Variants in RNF40 observed in about 807,000 individuals in gnomAD.
RNF40 encodes E3 ubiquitin-protein ligase BRE1B.
RNF40 carries 39 observed loss-of-function variants against 123.3 expected under a neutral mutation model. That is an observed-to-expected ratio of 0.32 (90% confidence interval 0.24 to 0.41). The LOEUF (loss-of-function observed/expected upper bound fraction) is 0.41. Ranked by LOEUF, RNF40 falls within the 10% of genes least tolerant of loss-of-function variation. The pLI, the probability that RNF40 is intolerant of heterozygous loss-of-function variation, is 1.00. For missense variants in RNF40, 1,003 were observed against 1,319.9 expected (o/e 0.76, Z 3.72); for synonymous variants, 538 against 526.0 (o/e 1.02, Z -0.31).
chr16:30,763,301 T>C lies in RNF40; in HGVS notation c.300+16T>C, dbSNP rs2053930206. ...CTGGGCCCAGGTGGATACCTTCTGC[T>C]TTCAAAGACCAGGCCTTGATTCAGC... On this transcript the variant is annotated intron_variant, in intron 3 of 19. Coordinates refer to ENST00000324685, the MANE Select transcript of RNF40 (RefSeq NM_014771.4). The C allele has an allele frequency of 6.2e-7, 1 of 1,613,456 alleles. No homozygotes were observed. The highest frequency in any genetic ancestry group is 8.5e-7 in the Non-Finnish European group (1 of 1,179,396).
Position 30,774,337 on chromosome 16 carries a change from AC to A in RNF40, c.*224del. 1 of 527,488 alleles carries A rather than the reference AC, an allele frequency of 1.9e-6. No individual in the cohort carries two copies. The highest frequency in any genetic ancestry group is 3.0e-5 in the South Asian group (1 of 33,834). The allele number at this position is 527,488 out of a possible 1,614,324, so 32.7% of individuals were successfully genotyped here. A position where few individuals can be genotyped will look rare whatever the true frequency, so the allele number is the denominator to read the frequency against. On this transcript the variant is annotated 3_prime_UTR_variant, in exon 20 of 20. Transcript: ENST00000324685. ...AGGTCAGAGCTGCAGCCTAGGGGGC[AC>A]TGCCCTACAGAAAAGGTCTGCCTGA...
Position 30,768,935 on chromosome 16 carries a change from A to C in RNF40, c.2195A>C (p.Gln732Pro), listed in dbSNP as rs2054095285. ...ADEDALRRIR[Q>P]AEEQIEHLQR... Reference sequence around the variant, plus strand: ...GAGGATGCCCTGCGGCGCATTCGGCAGGCAGAGGAGCAGATAGAACACCTG... The same window carrying C: ...GAGGATGCCCTGCGGCGCATTCGGCCGGCAGAGGAGCAGATAGAACACCTG... Residue 732 changes from glutamine to proline, a missense_variant, in exon 15 of 20, where the codon CAG (glutamine) becomes CCG (proline). Physicochemically the swap from Gln to Pro is moderately conservative, Grantham distance 76. Coordinates refer to ENST00000324685, the MANE Select transcript of RNF40 (RefSeq NM_014771.4). This position sits in a 1 kb window ranked among gnomAD's most constrained non-coding sequence, Gnocchi z 4.1. 1 of 1,614,168 alleles carries C rather than the reference A, an allele frequency of 6.2e-7. No individual in the cohort carries two copies. The highest frequency in any genetic ancestry group is 8.5e-7 in the Non-Finnish European group (1 of 1,180,040).
chr16:30,771,325 ACCAGACAGCAGG>A (rs1013167458), intron 17 of RNF40, among the ~76,000 whole-genome samples: 17 of 151,884 alleles, frequency 1.1e-4, no homozygotes, highest in African/African-American at 2.2e-4. Flanking sequence ...AAGCTCAAAA[ACCAGACAGCAGG>A]CCAGGCGTGG....
chr16:30,764,691 C>T (rs907817956), intron 5 of RNF40, among the ~76,000 whole-genome samples: 4 of 152,130 alleles, frequency 2.6e-5, no homozygotes, highest in Admixed American at 1.3e-4. Context: ...AGGGCTCAGG[C>T]CTTGTAGGTT....
chr16:30,762,301 T>G, upstream of RNF40: 1 of 484,824 alleles, frequency 2.1e-6, no homozygotes, highest in East Asian at 3.7e-5. Context: ...TGGCGTCCAG[T>G]GACGCCCAGT....
At position 30,766,709 on chromosome 16, in the gene RNF40, G is replaced by A. The variant is rs961066195; in HGVS notation, c.1294-32G>A. 7.4e-6 allele frequency: 12 copies of A among 1,613,070 alleles called. No homozygotes were observed. Among genetic ancestry groups the A allele is most frequent in the Non-Finnish European group, 9.3e-6 (11 of 1,179,612 alleles). ...CTGAGTCCTGAGGTGGGACCGAGGGGCTGTGTGGGTCCTTAACACATCAAC... is the reference window on the plus strand; with the variant it reads ...CTGAGTCCTGAGGTGGGACCGAGGGACTGTGTGGGTCCTTAACACATCAAC... On this transcript the variant is annotated intron_variant, in intron 10 of 19. Coordinates refer to ENST00000324685, the MANE Select transcript of RNF40 (RefSeq NM_014771.4). This position sits in a 1 kb window ranked among gnomAD's most constrained non-coding sequence, Gnocchi z 5.4.
intron 3 of RNF40, 58 bp downstream of exon 3, chr16:30,763,343 C>G: frequency 1.2e-6 from 2 of 1,608,904 alleles, no homozygotes; most frequent in Non-Finnish European, 1.7e-6. Flanking sequence ...TCCCCAGATT[C>G]CCCTGCTAGG....
Position 30,775,281 on chromosome 16 carries a change from G to C in RNF40, c.*1167G>C, listed in dbSNP as rs940638352. 1 of 321,462 alleles carries C rather than the reference G, an allele frequency of 3.1e-6. No individual in the cohort carries two copies. Among genetic ancestry groups the C allele is most frequent in the African/African-American group, 2.2e-5 (1 of 45,710 alleles). 19.9% of individuals were successfully genotyped at this position (321,462 alleles called of 1,614,324 possible). ...ACTTTGCTGGCTTGGTGTGAGCCTG[G>C]GAGGGCTCAGACTTAACGGCCGGCA... On this transcript the variant is annotated 3_prime_UTR_variant, in exon 20 of 20. Transcript: ENST00000324685.
rs1374779028 is a variant in RNF40 at position 30,775,429 on chromosome 16, C to T, written c.*1315C>T. On this transcript the variant is annotated 3_prime_UTR_variant, in exon 20 of 20. Coordinates refer to ENST00000324685, the MANE Select transcript of RNF40 (RefSeq NM_014771.4). ...TCATGGCCGGGGGATGCCGGGACTC[C>T]TCGGGCTGCATCCTGGGAAGTGTAG... The T allele has an allele frequency of 5.2e-6, 1 of 192,010 alleles. No homozygotes were observed. Among genetic ancestry groups the T allele is most frequent in the Non-Finnish European group, 1.1e-5 (1 of 91,880 alleles). 11.9% of individuals were successfully genotyped at this position (192,010 alleles called of 1,614,324 possible).
intron 17 of RNF40, among the ~76,000 whole-genome samples, chr16:30,771,549 G>C (rs1286643312): frequency 1.3e-5 from 2 of 152,092 alleles, no homozygotes; most frequent in African/African-American, 4.8e-5. Context: ...CCCAGGAGTC[G>C]GAGGTTGCAG....
At chr16:30,772,266 C>G (rs770961043) in intron 19 of RNF40, 76 bp downstream of exon 19, 16 of 1,193,126 alleles carry the variant, frequency 1.3e-5, no homozygotes, top group Non-Finnish European at 2.0e-5. Flanking sequence ...AGTGGAGAGT[C>G]TGGGGACCCT....
In RNF40 at chr16:30,768,997, A is replaced by G. The variant is rs1173937497; in HGVS notation, c.2247+10A>G. 6.8e-6 allele frequency: 11 copies of G among 1,613,694 alleles called. No individual in the cohort carries two copies. Among genetic ancestry groups the G allele is most frequent in the African/African-American group, 2.7e-5 (2 of 74,940 alleles). ...GGGTGCCACCAAGCAGGTGCGGCCCATGTGGTGCCCTCGCGTCGGAGCGCA... is the reference window on the plus strand; with the variant it reads ...GGGTGCCACCAAGCAGGTGCGGCCCGTGTGGTGCCCTCGCGTCGGAGCGCA... On this transcript the variant is annotated intron_variant, in intron 15 of 19. Transcript: ENST00000324685. The surrounding 1 kb of genome is among the most constrained non-coding windows in gnomAD (Gnocchi z 4.1).
intron 5 of RNF40, 102 bp from the exon 6 acceptor site, chr16:30,764,836 A>G (rs2053998273): frequency 6.8e-7 from 1 of 1,478,170 alleles, no homozygotes; most frequent in Admixed American, 2.2e-5. Context: ...AATGGGCAAG[A>G]CAGCTGGTGG....
intron 19 of RNF40, among the ~76,000 whole-genome samples, chr16:30,772,828 G>A (rs573780567): frequency 1.3e-5 from 2 of 152,354 alleles, no homozygotes; most frequent in African/African-American, 2.4e-5. Context: ...TGGGCTGGAA[G>A]AGGTAGACTG....
At position 30,775,878 on chromosome 16, in the gene RNF40, G is replaced by C. The variant is rs910568109; in HGVS notation, c.*1764G>C. ...GGGGCCGCCGCTGCTGGACCAGGAC[G>C]AACTGGAGAAGGAGACGCGGGCCGC... is the stretch of plus-strand genomic sequence containing the variant. On this transcript the variant is annotated 3_prime_UTR_variant, in exon 20 of 20. Coordinates refer to ENST00000324685, the MANE Select transcript of RNF40 (RefSeq NM_014771.4). The C allele has an allele frequency of 1.3e-5, 2 of 152,266 alleles. No homozygotes were observed. The highest frequency in any genetic ancestry group is 1.9e-4 in the East Asian group (1 of 5,196). 9.4% of individuals were successfully genotyped at this position (152,266 alleles called of 1,614,324 possible).
Position 30,768,868 on chromosome 16 carries a change from T to C in RNF40, c.2128T>C (p.Leu710=), listed in dbSNP as rs2054093519. 1.2e-6 allele frequency: 2 copies of C among 1,613,996 alleles called. No homozygotes were observed. The highest frequency in any genetic ancestry group is 1.7e-5 in the Admixed American group (1 of 60,006). ...TGAGCTGCGGAGCCGCATCCGGGAA[T>C]TGGAGGAGAGGGATCGAAGGGAGAG... ...VDELRSRIRE[L]EERDRRESKK... The change falls in exon 15 of 20, where the codon TTG becomes CTG. Residue 710 remains leucine, a synonymous_variant. Transcript: ENST00000324685. This position sits in a 1 kb window ranked among gnomAD's most constrained non-coding sequence, Gnocchi z 4.1.
At position 30,765,069 on chromosome 16, in the gene RNF40, C is replaced by T. The variant is rs371631697; in HGVS notation, c.771+10C>T. 29 of 1,613,448 alleles carry T rather than the reference C, an allele frequency of 1.8e-5. No homozygotes were observed. Among genetic ancestry groups the T allele is most frequent in the Admixed American group, 5.0e-5 (3 of 59,962 alleles). The stretch of plus-strand genomic sequence containing the variant: ...CCGCATCTCATTGGAGGTGAGGAGC[C>T]GGGGGCTTTGGGGGTGTGATTAGAA... On this transcript the variant is annotated intron_variant, in intron 6 of 19. Coordinates refer to ENST00000324685, the MANE Select transcript of RNF40 (RefSeq NM_014771.4).
chr16:30,763,771 T>C (rs541802958), intron 4 of RNF40, among the ~76,000 whole-genome samples: 1 of 152,364 alleles, frequency 6.6e-6, no homozygotes, highest in East Asian at 1.9e-4. Flanking sequence ...TGACACCCAT[T>C]TGTTTCAAAA....
rs1056988095 is a variant in RNF40 at position 30,774,677 on chromosome 16, T to C, written c.*563T>C. ...CTCTTGTGCCAAGGGCTGAAGGAGG[T>C]ACCCTCTTGGCAGATGGGGGCATCA... is the stretch of plus-strand genomic sequence containing the variant. On this transcript the variant is annotated 3_prime_UTR_variant, in exon 20 of 20. Transcript: ENST00000324685. The C allele has an allele frequency of 6.4e-6, 2 of 311,182 alleles. No homozygotes were observed. Among genetic ancestry groups the C allele is most frequent in the Non-Finnish European group, 1.3e-5 (2 of 159,350 alleles). The allele number at this position is 311,182 out of a possible 1,614,324, so 19.3% of individuals were successfully genotyped here.
Sources: allele counts gnomAD v4.1 joint callset (sites outside exome capture counted in the v4.1 genomes callset), GRCh38; gene constraint gnomAD v4.1.1; non-coding constraint Gnocchi (gnomAD v3.1); transcripts MANE v1.5; gene names NCBI Gene and HGNC (gene_info 2026-07-23, HGNC 2026-07-21).